THUMPD2: variants seen among roughly 807,000 people sequenced by gnomAD.
The protein encoded by THUMPD2 is THUMP domain 2 tRNA and snRNA guanosine methyltransferase, also known as U6 snRNA (guanine-N(2))-methyltransferase THUMPD2.
In THUMPD2, 56 loss-of-function variants were observed where a neutral mutation model predicts 49.4. That is an observed-to-expected ratio of 1.13 (90% CI 0.91 to 1.41). The LOEUF (loss-of-function observed/expected upper bound fraction) is 1.41, where lower values mean the gene tolerates loss of function less well. Among genes scored for constraint, THUMPD2 ranks in the 40% most tolerant of loss-of-function variants. The pLI is 0.00. For synonymous variants in THUMPD2, 237 were observed against 205.2 expected, an observed-to-expected ratio of 1.15 and a Z score of -1.32; for missense variants, 709 against 594.5, an observed-to-expected ratio of 1.19 and a Z score of -2.00.
chr2:39,755,751 C>CTGAG lies in THUMPD2; in HGVS notation c.963+137_963+138insCTCA, dbSNP rs1280126012. On this transcript the variant is annotated intron_variant, in intron 7 of 9. Coordinates refer to ENST00000505747, the MANE Select transcript of THUMPD2 (RefSeq NM_025264.5). ...AGCAATTTCATTAGTCCCTCATCAT[C>CTGAG]TATTTTGAGTAAATAATAACTCATA... 1,316 of 509,660 alleles carry CTGAG rather than the reference C, an allele frequency of 2.6e-3. 25 individuals carry two copies. The South Asian group carries it at 0.037, about 14-fold the overall frequency. 31.6% of individuals were successfully genotyped at this position (509,660 alleles called of 1,614,324 possible).
intron 6 of THUMPD2, among the ~76,000 whole-genome samples, chr2:39,758,625 A>C (rs555089471): frequency 6.6e-6 from 1 of 152,312 alleles, no homozygotes; most frequent in East Asian, 1.9e-4. Context: ...TCTCAGCAGG[A>C]CTGACAGATT....
intron 5 of THUMPD2, 33 bp from the exon 6 acceptor site, chr2:39,761,451 A>G (rs1208980011): frequency 1.3e-5 from 20 of 1,568,660 alleles, no homozygotes; most frequent in African/African-American, 2.7e-5. Flanking sequence ...ATATATTATT[A>G]CACATTGAAC....
At chr2:39,778,231 T>C (rs1474184568) in intron 1 of THUMPD2, among the ~76,000 whole-genome samples, 2 of 152,234 alleles carry the variant, frequency 1.3e-5, no homozygotes, top group South Asian at 2.1e-4. Flanking sequence ...TAAATGTCAG[T>C]AGTTATTATA....
chr2:39,761,189 C>T, intron 6 of THUMPD2, 142 bp downstream of exon 6: 2 of 687,920 alleles, frequency 2.9e-6, no homozygotes, highest in East Asian at 2.6e-5. Context: ...TTTGTAAGTA[C>T]AATGGCAAAA....
At chr2:39,747,532 G>A (rs1447027844) in intron 8 of THUMPD2, among the ~76,000 whole-genome samples, 2 of 151,982 alleles carry the variant, frequency 1.3e-5, no homozygotes, top group Admixed American at 1.3e-4. Flanking sequence ...AAATAACTAT[G>A]CTCTTTATTT....
rs754109399 is a variant in THUMPD2 at position 39,769,749 on chromosome 2, A to G, written c.633T>C (p.Cys211=). 6.3e-7 allele frequency: 1 copy of G among 1,587,502 alleles called. No homozygotes were observed. Among genetic ancestry groups the G allele is most frequent in the East Asian group, 2.3e-5 (1 of 43,558 alleles). Reference sequence around the variant, plus strand: ...CCTTTCCAATAGTTCCACTGCAGCGACAAGATACTCTGAAAGTCAAGTCAT... The same window carrying G: ...CCTTTCCAATAGTTCCACTGCAGCGGCAAGATACTCTGAAAGTCAAGTCAT... The part of the protein sequence containing the change: ...NQNDLTFRVS[C]RCSGTIGKAF... Residue 211 remains cysteine, a synonymous_variant, in exon 3 of 10, where the codon TGT becomes TGC. Transcript: ENST00000505747.
intron 8 of THUMPD2, among the ~76,000 whole-genome samples, chr2:39,745,820 T>C (rs769422035): frequency 1.3e-5 from 2 of 152,194 alleles, no homozygotes. Context: ...AAGAGAATAA[T>C]TTTTAAAAAA....
Position 39,736,734 on chromosome 2 carries a change from G to A in THUMPD2, c.*1C>T, listed in dbSNP as rs1333728593. 6.2e-7 allele frequency: 1 copy of A among 1,610,466 alleles called. No individual in the cohort carries two copies. ...GAACCCGGCTGATGGCAGCAAGCCT[G>A]CTACAGTCCAGAAGAGTGCGACTTC... On this transcript the variant is annotated 3_prime_UTR_variant, in exon 10 of 10. Coordinates refer to ENST00000505747, the MANE Select transcript of THUMPD2 (RefSeq NM_025264.5).
chr2:39,757,252 C>T, intron 6 of THUMPD2: 1 of 556,642 alleles, frequency 1.8e-6, no homozygotes, highest in Non-Finnish European at 3.2e-6. Context: ...ACGTACCCCA[C>T]TGTCAGGCCC....
chr2:39,764,461 G>A (rs569337961), intron 5 of THUMPD2, among the ~76,000 whole-genome samples: 1 of 152,280 alleles, frequency 6.6e-6, no homozygotes, highest in East Asian at 1.9e-4. Context: ...TGTACAGAGT[G>A]GCAACAGCTA....
At chr2:39,776,536 G>C (rs1455067015) in intron 1 of THUMPD2, among the ~76,000 whole-genome samples, 1 of 151,882 alleles carries the variant, frequency 6.6e-6, no homozygotes, top group Non-Finnish European at 1.5e-5. Context: ...CGGGACTACA[G>C]GTGTACGCCA....
Position 39,769,658 on chromosome 2 carries a change from G to A in THUMPD2, c.672+52C>T, listed in dbSNP as rs754982633. On this transcript the variant is annotated intron_variant, in intron 3 of 9. Coordinates refer to ENST00000505747, the MANE Select transcript of THUMPD2 (RefSeq NM_025264.5). ...TGGAGGTTGCAGTGAGCCAGATTGT[G>A]CAACTGCATTCCAGCCTGGGCGACA... The A allele has an allele frequency of 8.2e-6, 12 of 1,461,008 alleles. No homozygotes were observed. The South Asian group carries it at 1.7e-4, about 21-fold the overall frequency. 90.5% of individuals were successfully genotyped at this position (1,461,008 alleles called of 1,614,324 possible).
At chr2:39,753,628 C>T (rs1675719482) in intron 8 of THUMPD2, among the ~76,000 whole-genome samples, 1 of 152,196 alleles carries the variant, frequency 6.6e-6, no homozygotes, top group Non-Finnish European at 1.5e-5. Flanking sequence ...GATCCACCAT[C>T]CGTCTTCCCC....
At chr2:39,749,611 CAACTTTT>C in intron 8 of THUMPD2, among the ~76,000 whole-genome samples, 1 of 152,056 alleles carries the variant, frequency 6.6e-6, no homozygotes, top group East Asian at 1.9e-4. Flanking sequence ...TTTTTTCCTT[CAACTTTT>C]AAGTTCCAGG....
chr2:39,740,109 G>C (rs1377467438), intron 9 of THUMPD2, among the ~76,000 whole-genome samples: 8 of 152,130 alleles, frequency 5.3e-5, no homozygotes, highest in Non-Finnish European at 8.8e-5. Flanking sequence ...TTCTAAGTAT[G>C]CTCTATAACA....
At chr2:39,762,827 A>G (rs989638823) in intron 5 of THUMPD2, among the ~76,000 whole-genome samples, 2 of 151,208 alleles carry the variant, frequency 1.3e-5, no homozygotes, top group African/African-American at 4.9e-5. Context: ...CTTTGTCCAT[A>G]TATATGAAAA....
rs755344536 is a variant in THUMPD2, at chr2:39,768,401, A to C, written c.750+23T>G. On this transcript the variant is annotated intron_variant, in intron 4 of 9. Transcript: ENST00000505747. ...TTAAAGAATTAGGTTACAAGTATAT[A>C]AAATAAAACAAATACTCATTACCTC... 3 of 1,576,622 alleles carry C rather than the reference A, an allele frequency of 1.9e-6. No homozygotes were observed. In the Admixed American group the frequency reaches 5.1e-5, roughly 27 times the overall value.
intron 1 of THUMPD2, among the ~76,000 whole-genome samples, chr2:39,772,356 T>C (rs1678450982): frequency 6.6e-6 from 1 of 152,140 alleles, no homozygotes; most frequent in South Asian, 2.1e-4. Context: ...TTATAGACTT[T>C]TGATGAAAAC....
At chr2:39,771,063 A>G (rs1487576972) in intron 2 of THUMPD2, among the ~76,000 whole-genome samples, 2 of 152,096 alleles carry the variant, frequency 1.3e-5, no homozygotes, top group Admixed American at 1.3e-4. Flanking sequence ...TATCGAAAAC[A>G]TTTAAGGTCC....
Sources: allele counts gnomAD v4.1 joint callset (sites outside exome capture counted in the v4.1 genomes callset), GRCh38; gene constraint gnomAD v4.1.1; transcripts MANE v1.5; gene names NCBI Gene and HGNC (gene_info 2026-07-23, HGNC 2026-07-21).